Variants in CSMD1 observed in about 807,000 individuals in gnomAD.
CSMD1 encodes CUB and sushi domain-containing protein 1.
Under a neutral mutation model 417.5 loss-of-function variants are expected in CSMD1, and 213 were observed. The ratio of observed to expected loss-of-function variants is 0.51; its 90% CI spans 0.46 to 0.57. The LOEUF (loss-of-function observed/expected upper bound fraction) is 0.57. Ranked by LOEUF, CSMD1 falls within the 20% of genes least tolerant of loss-of-function variation. The probability of loss-of-function intolerance (pLI) is 0.00; values close to 1 mark genes in which losing one functional copy is unlikely to be tolerated. For synonymous variants in CSMD1, 2,862 were observed against 1,736.8 expected, an observed-to-expected ratio of 1.65 and a Z score of -16.11; for missense variants, 6,923 against 4,529.7, an observed-to-expected ratio of 1.53 and a Z score of -15.17.
intron 4 of CSMD1, among the ~76,000 whole-genome samples, chr8:4,008,426 T>C (rs1215840649): frequency 6.6e-6 from 1 of 151,620 alleles, no homozygotes; most frequent in East Asian, 1.9e-4. Flanking sequence ...TTTTTTTTAT[T>C]TGGAATCTGA....
chr8:4,684,366 C>G (rs1188413110), intron 1 of CSMD1, among the ~76,000 whole-genome samples: 2 of 152,198 alleles, frequency 1.3e-5, no homozygotes, highest in African/African-American at 4.8e-5. Context: ...TCAAAATGAA[C>G]TCTATGAAGA....
intron 5 of CSMD1, among the ~76,000 whole-genome samples, chr8:3,824,819 T>C (rs554856862): frequency 7.9e-5 from 12 of 152,064 alleles, no homozygotes; most frequent in South Asian, 2.1e-4. Flanking sequence ...GATGAGCAAA[T>C]TGAAAAAAGG....
In CSMD1 at chr8:4,761,896, T is replaced by TATCTATCA. The variant is rs1554472623; in HGVS notation, c.86-124339_86-124338insTGATAGAT. 4.3e-3 allele frequency among the ~76,000 whole-genome samples: 379 copies of TATCTATCA among 88,700 alleles called. 1 individual carries two copies. Among genetic ancestry groups the TATCTATCA allele is most frequent in the African/African-American group, 6.2e-3 (143 of 23,220 alleles). The allele number at this position is 88,700 out of a possible 152,430, so 58.2% of individuals were successfully genotyped here. A position where few individuals can be genotyped will look rare whatever the true frequency, so the allele number is the denominator to read the frequency against. ...CTATCTATCTATCTATCTACCTACC[T>TATCTATCA]ATCTATCTATCTATCAATCTATCTA... On this transcript the variant is annotated intron_variant, in intron 1 of 69. Coordinates refer to ENST00000635120, the MANE Select transcript of CSMD1 (RefSeq NM_033225.6).
intron 2 of CSMD1, among the ~76,000 whole-genome samples, chr8:4,565,349 T>A (rs1335342050): frequency 6.6e-6 from 1 of 152,160 alleles, no homozygotes; most frequent in Non-Finnish European, 1.5e-5. Flanking sequence ...TAAAAATGGC[T>A]TGTAACAAGC....
intron 10 of CSMD1, among the ~76,000 whole-genome samples, chr8:3,499,109 A>T (rs1369278189): frequency 6.6e-6 from 1 of 152,202 alleles, no homozygotes; most frequent in African/African-American, 2.4e-5. Context: ...ATCTGACAAA[A>T]CAATTTCTCC....
At chr8:4,970,869 A>G (rs1158102876) in intron 1 of CSMD1, among the ~76,000 whole-genome samples, 2 of 152,090 alleles carry the variant, frequency 1.3e-5, no homozygotes, top group African/African-American at 2.4e-5. Flanking sequence ...TTTTTTCAGT[A>G]TTTTATTAAG....
chr8:3,138,239 C>A (rs13273359), intron 41 of CSMD1, among the ~76,000 whole-genome samples: 130,176 of 152,144 alleles, frequency 0.86, 56,021 homozygotes, highest in Non-Finnish European at 0.89. Context: ...AACAAAAAAC[C>A]ATATCCCATA....
At chr8:3,214,464 G>A (rs1367968989) in intron 30 of CSMD1, 33 bp downstream of exon 30, 1 of 1,484,598 alleles carries the variant, frequency 6.7e-7, no homozygotes, top group Admixed American at 2.5e-5. Context: ...AAGGAAAGTT[G>A]TATTTCTAGA....
chr8:4,200,740 T>C (rs758751587), intron 3 of CSMD1, among the ~76,000 whole-genome samples: 13 of 152,266 alleles, frequency 8.5e-5, no homozygotes, highest in South Asian at 4.1e-4. Flanking sequence ...TGTGTATCTG[T>C]AGTCCCAACT....
At chr8:4,537,675 C>G (rs751374233) in intron 2 of CSMD1, among the ~76,000 whole-genome samples, 2 of 152,090 alleles carry the variant, frequency 1.3e-5, no homozygotes, top group Non-Finnish European at 2.9e-5. Context: ...CATTCTTCCT[C>G]GAAGACTCCA....
chr8:4,697,664 C>T (rs1158961695), intron 1 of CSMD1, among the ~76,000 whole-genome samples: 3 of 152,106 alleles, frequency 2.0e-5, no homozygotes. Context: ...TTGCTGGTTA[C>T]ACGATTTCCC....
At chr8:3,818,337 T>A (rs752938590) in intron 5 of CSMD1, among the ~76,000 whole-genome samples, 1 of 152,154 alleles carries the variant, frequency 6.6e-6, no homozygotes, top group Non-Finnish European at 1.5e-5. Context: ...AACTCCCTCA[T>A]GTGAGAGAGC....
chr8:3,422,027 A>C lies in CSMD1; in HGVS notation c.1562-12422T>G, dbSNP rs538781355. On this transcript the variant is annotated intron_variant, in intron 12 of 69. Coordinates refer to ENST00000635120, the MANE Select transcript of CSMD1 (RefSeq NM_033225.6). The stretch of plus-strand genomic sequence containing the variant: ...CCGCGCCCGGCCCCACAGATGTCTT[A>C]GAGCGTGAGCCACCATGTCCAGCCC... Among the ~76,000 whole-genome samples, 11 of 152,212 alleles carry C rather than the reference A, an allele frequency of 7.2e-5. No homozygotes were observed. The East Asian group carries it at 1.7e-3, about 24-fold the overall frequency.
chr8:3,675,506 T>C (rs755734148), intron 7 of CSMD1, among the ~76,000 whole-genome samples: 5 of 152,170 alleles, frequency 3.3e-5, no homozygotes, highest in Non-Finnish European at 5.9e-5. Context: ...AATTCATATG[T>C]TGAAGCCCCA....
chr8:4,919,869 A>G (rs4366097), intron 1 of CSMD1, among the ~76,000 whole-genome samples: 56,889 of 151,900 alleles, frequency 0.37, 12,600 homozygotes, highest in Non-Finnish European at 0.51. Context: ...AAGGGAGAGC[A>G]TTCCTTCCCT....
chr8:3,165,445 T>C (rs925556398), intron 37 of CSMD1, among the ~76,000 whole-genome samples: 1 of 151,934 alleles, frequency 6.6e-6, no homozygotes, highest in African/African-American at 2.4e-5. Flanking sequence ...TTTTTATTTA[T>C]TTTTGAGACA....
chr8:2,965,323 T>C (rs1425767330), intron 59 of CSMD1, among the ~76,000 whole-genome samples: 1 of 152,154 alleles, frequency 6.6e-6, no homozygotes, highest in Non-Finnish European at 1.5e-5. Flanking sequence ...CCAAACCCCA[T>C]GAAACATCAC....
chr8:4,100,957 A>T (rs1195221209), intron 3 of CSMD1, among the ~76,000 whole-genome samples: 1 of 152,230 alleles, frequency 6.6e-6, no homozygotes, highest in Admixed American at 6.5e-5. Flanking sequence ...TATTGTCTGT[A>T]ATCACTCCAT....
At chr8:4,688,638 TG>T (rs577389562) in intron 1 of CSMD1, among the ~76,000 whole-genome samples, 1 of 152,114 alleles carries the variant, frequency 6.6e-6, no homozygotes, top group Non-Finnish European at 1.5e-5. Context: ...CAGAGCCATT[TG>T]GGGGGGTCTT....
Sources: allele counts gnomAD v4.1 joint callset (sites outside exome capture counted in the v4.1 genomes callset), GRCh38; gene constraint gnomAD v4.1.1; transcripts MANE v1.5; gene names NCBI Gene and HGNC (gene_info 2026-07-23, HGNC 2026-07-21).